KIAA0825: variants seen among roughly 807,000 people sequenced by gnomAD.
KIAA0825 encodes uncharacterized protein KIAA0825.
Under a neutral mutation model 147.6 loss-of-function variants are expected in KIAA0825, and 119 were observed. The observed-to-expected ratio is 0.81, with a 90% CI of 0.69 to 0.94. The LOEUF is 0.94. KIAA0825 is among the 40% of genes least tolerant of loss of function. The pLI, the probability that KIAA0825 is intolerant of heterozygous loss-of-function variation, is 0.00. For missense variants in KIAA0825, 1,381 were observed against 1,472.7 expected (o/e 0.94, Z 1.02); for synonymous variants, 470 against 518.1 (o/e 0.91, Z 1.26).
intron 6 of KIAA0825, among the ~76,000 whole-genome samples, chr5:94,478,079 A>T (rs1050433778): frequency 1.3e-5 from 2 of 152,162 alleles, no homozygotes; most frequent in Non-Finnish European, 2.9e-5. Context: ...AACTGTCTTT[A>T]TCAGTAGGGA....
At chr5:94,281,699 T>C (rs1326330695) in intron 20 of KIAA0825, among the ~76,000 whole-genome samples, 1 of 152,108 alleles carries the variant, frequency 6.6e-6, no homozygotes. Flanking sequence ...CCTCTTCCAG[T>C]TGTGACAACG....
At chr5:94,340,661 A>G (rs1467344428) in intron 20 of KIAA0825, among the ~76,000 whole-genome samples, 1 of 152,166 alleles carries the variant, frequency 6.6e-6, no homozygotes, top group African/African-American at 2.4e-5. Context: ...TTAGTCTGAC[A>G]TTATGTGAAA....
intron 1 of KIAA0825, among the ~76,000 whole-genome samples, chr5:94,617,456 T>A (rs1044750230): frequency 6.6e-6 from 1 of 152,188 alleles, no homozygotes; most frequent in African/African-American, 2.4e-5. Context: ...GGGCCTTGAA[T>A]TGAACATATT....
At chr5:94,179,931 T>C (rs1383852563) in intron 20 of KIAA0825, among the ~76,000 whole-genome samples, 1 of 151,848 alleles carries the variant, frequency 6.6e-6, no homozygotes, top group Non-Finnish European at 1.5e-5. Context: ...AATTAATAAA[T>C]ACAAGGAATA....
intron 20 of KIAA0825, among the ~76,000 whole-genome samples, chr5:94,331,093 C>A (rs975497116): frequency 2.6e-4 from 39 of 150,716 alleles, no homozygotes; most frequent in Non-Finnish European, 4.4e-5. Flanking sequence ...CAAGATCATG[C>A]CACTGCATTC....
chr5:94,353,562 A>G (rs1412354373), intron 20 of KIAA0825, among the ~76,000 whole-genome samples: 6 of 152,204 alleles, frequency 3.9e-5, no homozygotes, highest in Non-Finnish European at 8.8e-5. Flanking sequence ...AAAATTATTT[A>G]CCACTAACAG....
chr5:94,202,959 G>A (rs1771834123), intron 20 of KIAA0825, among the ~76,000 whole-genome samples: 1 of 152,044 alleles, frequency 6.6e-6, no homozygotes, highest in Non-Finnish European at 1.5e-5. Context: ...TGAGATATTG[G>A]TACTACTCTT....
At chr5:94,542,916 T>G (rs900657715) in intron 2 of KIAA0825, among the ~76,000 whole-genome samples, 1 of 152,294 alleles carries the variant, frequency 6.6e-6, no homozygotes, top group East Asian at 1.9e-4. Flanking sequence ...ATGGTGTCCA[T>G]TCCTTTAAGG....
intron 20 of KIAA0825, among the ~76,000 whole-genome samples, chr5:94,225,259 G>GT (rs1245817345): frequency 1.3e-5 from 2 of 152,088 alleles, no homozygotes; most frequent in South Asian, 2.1e-4. Flanking sequence ...AAATTTAAGA[G>GT]TAAAAAAAGA....
At chr5:94,410,025 A>G (rs191358771) in intron 15 of KIAA0825, among the ~76,000 whole-genome samples, 1 of 152,294 alleles carries the variant, frequency 6.6e-6, no homozygotes, top group Admixed American at 6.5e-5. Context: ...CCCAGAAATG[A>G]AAGAGATGAT....
rs1041215779 is a variant in KIAA0825 at position 94,604,594 on chromosome 5, A to T, written c.-153+13906T>A. Among the ~76,000 whole-genome samples the T allele has an allele frequency of 2.6e-5, 4 of 152,140 alleles. No homozygotes were observed. In the East Asian group the frequency reaches 7.7e-4, roughly 29 times the overall value. The stretch of plus-strand genomic sequence containing the variant: ...AAACAAACAAACAAACAAACAAAAA[A>T]CACTCAAAAATGATACAATTACATG... On this transcript the variant is annotated intron_variant, in intron 1 of 20. Transcript: ENST00000682413.
chr5:94,586,097 A>G (rs1783232004), intron 1 of KIAA0825, among the ~76,000 whole-genome samples: 1 of 152,222 alleles, frequency 6.6e-6, no homozygotes, highest in Admixed American at 6.5e-5. Context: ...GAAAAGATCT[A>G]AAATTGACAC....
intron 14 of KIAA0825, among the ~76,000 whole-genome samples, chr5:94,436,053 AT>A (rs1277754037): frequency 2.6e-5 from 4 of 151,826 alleles, no homozygotes; most frequent in African/African-American, 7.3e-5. Flanking sequence ...AGTTTGCAAA[AT>A]TTTTTTCCCA....
intron 20 of KIAA0825, among the ~76,000 whole-genome samples, chr5:94,188,992 C>A (rs576269993): frequency 6.6e-6 from 1 of 152,178 alleles, no homozygotes; most frequent in Non-Finnish European, 1.5e-5. Flanking sequence ...TAGTACCTTA[C>A]ACTGGTAGTA....
At chr5:94,541,123 T>A (rs1276738635) in intron 2 of KIAA0825, among the ~76,000 whole-genome samples, 1 of 152,194 alleles carries the variant, frequency 6.6e-6, no homozygotes, top group Non-Finnish European at 1.5e-5. Context: ...TTAGGCCTCC[T>A]AACTGCTTCA....
intron 20 of KIAA0825, among the ~76,000 whole-genome samples, chr5:94,337,226 G>C (rs975060119): frequency 1.3e-5 from 2 of 152,172 alleles, no homozygotes; most frequent in Non-Finnish European, 2.9e-5. Flanking sequence ...ACATAGCTAA[G>C]TTTTATGGTA....
intron 1 of KIAA0825, among the ~76,000 whole-genome samples, chr5:94,613,356 C>CCAGCTAAT (rs1789445929): frequency 6.6e-6 from 1 of 152,014 alleles, no homozygotes; most frequent in Non-Finnish European, 1.5e-5. Flanking sequence ...ACGACCACAC[C>CCAGCTAAT]CAGCTAATTT....
chr5:94,583,455 G>T (rs750099190), intron 1 of KIAA0825, among the ~76,000 whole-genome samples: 17 of 152,216 alleles, frequency 1.1e-4, no homozygotes, highest in Non-Finnish European at 2.2e-4. Flanking sequence ...GCAGTGGGAA[G>T]GGTGTCAGCC....
At chr5:94,237,815 A>T (rs1275531091) in intron 20 of KIAA0825, among the ~76,000 whole-genome samples, 1 of 152,198 alleles carries the variant, frequency 6.6e-6, no homozygotes, top group Non-Finnish European at 1.5e-5. Context: ...TAAACTAGAG[A>T]CCTGCAAAAG....
Sources: gnomAD v4.1 joint callset for allele counts (sites outside exome capture counted in the v4.1 genomes callset) on GRCh38, gnomAD v4.1.1 for gene constraint, MANE v1.5 for transcripts, NCBI Gene and HGNC (gene_info 2026-07-23, HGNC 2026-07-21) for gene names.